The following TTC21B variants were observed in gnomAD, a reference collection of about 807,000 sequenced individuals.
TTC21B encodes the protein tetratricopeptide repeat protein 21B.
TTC21B carries 127 observed loss-of-function variants against 175.1 expected under a neutral mutation model. The observed-to-expected ratio is 0.73, with a 90% CI of 0.63 to 0.84. The LOEUF is 0.84. TTC21B is among the 40% of genes least tolerant of loss of function. TTC21B has a pLI of 0.00. For missense variants in TTC21B, 1,561 were observed against 1,558.3 expected (o/e 1.00, Z -0.03); for synonymous variants, 524 against 524.5 (o/e 1.00, Z 0.01).
chr2:165,922,406 G>A (rs778373204), intron 12 of TTC21B, among the ~76,000 whole-genome samples: 1 of 151,614 alleles, frequency 6.6e-6, no homozygotes, highest in Non-Finnish European at 1.5e-5. Context: ...ATTAAAAAGT[G>A]GGCAAATGAC....
chr2:165,890,449 TA>T, intron 24 of TTC21B, 29 bp downstream of exon 24: 1 of 1,610,110 alleles, frequency 6.2e-7, no homozygotes, highest in Non-Finnish European at 8.5e-7. Flanking sequence ...AAGTGTTTTT[TA>T]AAAAAGGATA....
chr2:165,883,373 A>T (rs947965160), intron 26 of TTC21B, among the ~76,000 whole-genome samples: 1 of 152,188 alleles, frequency 6.6e-6, no homozygotes, highest in Non-Finnish European at 1.5e-5. Context: ...AAAATATATT[A>T]TGCATAATAG....
intron 22 of TTC21B, 73 bp from the exon 23 acceptor site, chr2:165,891,061 AT>A: frequency 1.6e-6 from 2 of 1,286,396 alleles, no homozygotes; most frequent in Non-Finnish European, 2.2e-6. Context: ...ATTCTACTTC[AT>A]TAGAGTATAA....
chr2:165,917,213 T>A, intron 14 of TTC21B, 44 bp downstream of exon 14: 4 of 1,542,764 alleles, frequency 2.6e-6, no homozygotes, highest in Non-Finnish European at 3.6e-6. Context: ...TATGTTAGAA[T>A]AAGAAAGTTC....
intron 1 of TTC21B, among the ~76,000 whole-genome samples, chr2:165,951,126 T>C (rs908083281): frequency 1.3e-5 from 2 of 152,182 alleles, no homozygotes; most frequent in Non-Finnish European, 2.9e-5. Flanking sequence ...TTTCCTCCAA[T>C]GCTCCATTCC....
intron 11 of TTC21B, among the ~76,000 whole-genome samples, chr2:165,928,132 T>C (rs1211765809): frequency 2.0e-5 from 3 of 152,256 alleles, no homozygotes; most frequent in East Asian, 1.9e-4. Context: ...AAGAACATTA[T>C]AGTAATAGTT....
intron 6 of TTC21B, 136 bp downstream of exon 6, chr2:165,940,891 T>G (rs1687339116): frequency 2.3e-6 from 2 of 854,084 alleles, no homozygotes; most frequent in Non-Finnish European, 3.7e-6. Context: ...AGTATGATTT[T>G]AAGTATTTCC....
chr2:165,946,295 C>T (rs145466264), intron 3 of TTC21B, among the ~76,000 whole-genome samples: 4,703 of 151,564 alleles, frequency 0.031, 256 homozygotes, highest in African/African-American at 0.11. Context: ...GCAGAGATCG[C>T]GCCACTGCAC....
intron 22 of TTC21B, among the ~76,000 whole-genome samples, chr2:165,896,254 G>A (rs948997774): frequency 6.6e-6 from 1 of 152,110 alleles, no homozygotes; most frequent in African/African-American, 2.4e-5. Flanking sequence ...ATACAGTCAT[G>A]TATTAGTCAA....
rs775497711 is a variant in TTC21B, at chr2:165,891,004, A to T, written c.2951-16T>A. 1 of 1,600,680 alleles carries T rather than the reference A, an allele frequency of 6.2e-7. No homozygotes were observed. Among genetic ancestry groups the T allele is most frequent in the Admixed American group, 1.7e-5 (1 of 59,952 alleles). ...ATATAATTATCTAGAAACAAATAAT[A>T]CTTCAGATATGGGCACCATTTTATA... On this transcript the variant is annotated splice_polypyrimidine_tract_variant and intron_variant, in intron 22 of 28. Coordinates refer to ENST00000243344, the MANE Select transcript of TTC21B (RefSeq NM_024753.5).
At position 165,889,317 on chromosome 2, in the gene TTC21B, T is replaced by C. The variant is rs530327815; in HGVS notation, c.3264-843A>G. The stretch of plus-strand genomic sequence containing the variant: ...CACAGCTTTAGTTCTCTTTTCACCA[T>C]GCTGATTGCCCTTTTCTGACCTTCC... On this transcript the variant is annotated intron_variant, in intron 24 of 28. Coordinates refer to ENST00000243344, the MANE Select transcript of TTC21B (RefSeq NM_024753.5). 7.9e-5 allele frequency among the ~76,000 whole-genome samples: 12 copies of C among 152,296 alleles called. No homozygotes were observed. The South Asian group carries it at 1.9e-3, about 24-fold the overall frequency.
chr2:165,949,245 C>T (rs1687684641), intron 3 of TTC21B, 149 bp downstream of exon 3: 2 of 671,440 alleles, frequency 3.0e-6, no homozygotes, highest in Non-Finnish European at 5.3e-6. Flanking sequence ...GAATTTACAC[C>T]CTTGTCAGGA....
intron 15 of TTC21B, 139 bp downstream of exon 15, chr2:165,915,062 G>T: frequency 1.4e-6 from 1 of 723,726 alleles, no homozygotes; most frequent in Non-Finnish European, 2.5e-6. Context: ...GCAGTTGGTG[G>T]TAGAAGGAAT....
At chr2:165,899,399 CT>C (rs1394983178) in intron 21 of TTC21B, among the ~76,000 whole-genome samples, 14 of 151,986 alleles carry the variant, frequency 9.2e-5, no homozygotes, top group East Asian at 1.9e-4. Flanking sequence ...TTTTTTTCCC[CT>C]GTAACTCCAA....
intron 14 of TTC21B, among the ~76,000 whole-genome samples, chr2:165,916,955 C>A (rs1407211623): frequency 6.6e-6 from 1 of 152,132 alleles, no homozygotes; most frequent in Admixed American, 6.5e-5. Context: ...CGGCTCACTG[C>A]AACCTCCGCC....
chr2:165,938,119 ACTC>A (rs201348153), intron 6 of TTC21B, among the ~76,000 whole-genome samples: 1 of 78,378 alleles, frequency 1.3e-5, no homozygotes, highest in East Asian at 5.7e-4. Flanking sequence ...GTCCAGAAGC[ACTC>A]ATCTAAATCC....
At chr2:165,911,163 T>C (rs536565454) in intron 18 of TTC21B, among the ~76,000 whole-genome samples, 164 bp downstream of exon 18, 4 of 152,282 alleles carry the variant, frequency 2.6e-5, no homozygotes, top group African/African-American at 9.6e-5. Flanking sequence ...TTTCAAAATA[T>C]CACATTTTAG....
At chr2:165,914,019 A>T (rs1327948455) in intron 15 of TTC21B, among the ~76,000 whole-genome samples, 1 of 152,180 alleles carries the variant, frequency 6.6e-6, no homozygotes. Flanking sequence ...CCTCCTATGC[A>T]TCTTGAGCTC....
At chr2:165,940,808 G>C (rs1348833515) in intron 6 of TTC21B, among the ~76,000 whole-genome samples, 1 of 151,968 alleles carries the variant, frequency 6.6e-6, no homozygotes, top group East Asian at 1.9e-4. Context: ...TGGCCTGTTT[G>C]CCTAAAAAGA....
Sources: allele counts gnomAD v4.1 joint callset (sites outside exome capture counted in the v4.1 genomes callset), GRCh38; gene constraint gnomAD v4.1.1; transcripts MANE v1.5; gene names NCBI Gene and HGNC (gene_info 2026-07-23, HGNC 2026-07-21).